Variants in NUDCD1 observed in about 807,000 individuals in gnomAD.
NUDCD1 encodes the protein nudC domain-containing protein 1.
NUDCD1 carries 60 observed loss-of-function variants against 67.8 expected under a neutral mutation model. The ratio of observed to expected loss-of-function variants is 0.88; its 90% CI spans 0.72 to 1.10. The LOEUF (loss-of-function observed/expected upper bound fraction) is 1.10, where lower values mean the gene tolerates loss of function less well. NUDCD1 is among the 50% of genes least tolerant of loss of function. The pLI is 0.00. For synonymous variants in NUDCD1, 244 were observed against 230.8 expected, an observed-to-expected ratio of 1.06 and a Z score of -0.52; for missense variants, 643 against 695.0, an observed-to-expected ratio of 0.93 and a Z score of 0.84.
intron 8 of NUDCD1, among the ~76,000 whole-genome samples, chr8:109,258,470 T>C (rs1813788737): frequency 3.3e-5 from 5 of 152,002 alleles, no homozygotes; most frequent in African/African-American, 7.2e-5. Context: ...TCATCTCATC[T>C]AGTGTGTGAG....
Position 109,248,850 on chromosome 8 carries a change from T to C in NUDCD1, c.1300-3369A>G, listed in dbSNP as rs556010246. ...AACATTTAGCAAAACTGGATCACAATTTGCAAAACTGTCTCCCCTATTTCC... is the reference window on the plus strand; with the variant it reads ...AACATTTAGCAAAACTGGATCACAACTTGCAAAACTGTCTCCCCTATTTCC... On this transcript the variant is annotated intron_variant, in intron 8 of 9. Transcript: ENST00000239690. Among the ~76,000 whole-genome samples the C allele has an allele frequency of 2.6e-5, 4 of 152,220 alleles. No individual in the cohort carries two copies. In the South Asian group the frequency reaches 8.3e-4, roughly 32 times the overall value.
rs569053421 is a variant in NUDCD1 at position 109,309,719 on chromosome 8, T to C, written c.273+12590A>G. On this transcript the variant is annotated intron_variant, in intron 2 of 9. Transcript: ENST00000239690. Reference sequence around the variant, plus strand: ...TTACCTAGAAAACCCTAAAGACTCCTCCAGAAAGCTCCTAGAACTGATAAA... The same window carrying C: ...TTACCTAGAAAACCCTAAAGACTCCCCCAGAAAGCTCCTAGAACTGATAAA... Among the ~76,000 whole-genome samples, 9 of 152,144 alleles carry C rather than the reference T, an allele frequency of 5.9e-5. No individual in the cohort carries two copies. In the South Asian group the frequency reaches 1.9e-3, roughly 32 times the overall value.
At chr8:109,316,489 G>A (rs1018734526) in intron 2 of NUDCD1, 6 of 152,094 alleles carry the variant, frequency 3.9e-5, no homozygotes, top group African/African-American at 1.4e-4. Context: ...GCCTGTCTAG[G>A]ATTTGTGCAC....
chr8:109,298,138 A>G (rs1204302012), intron 2 of NUDCD1, among the ~76,000 whole-genome samples: 1 of 152,184 alleles, frequency 6.6e-6, no homozygotes, highest in Non-Finnish European at 1.5e-5. Flanking sequence ...TGGCAAGCAG[A>G]GCTCACATTA....
At chr8:109,256,701 T>TA (rs1813748516) in intron 8 of NUDCD1, among the ~76,000 whole-genome samples, 2 of 151,996 alleles carry the variant, frequency 1.3e-5, no homozygotes, top group Admixed American at 1.3e-4. Flanking sequence ...AGACATCACA[T>TA]AATGAAATAT....
intron 2 of NUDCD1, chr8:109,298,670 T>A (rs188015177): frequency 1.4e-3 from 207 of 152,222 alleles, no homozygotes; most frequent in African/African-American, 4.8e-3. Context: ...CTAATATGTA[T>A]AACATAAAAA....
chr8:109,289,637 A>T (rs569581286), intron 5 of NUDCD1, 114 bp downstream of exon 5: 2 of 548,120 alleles, frequency 3.6e-6, no homozygotes, highest in East Asian at 6.7e-5. Context: ...AAAATAAAGA[A>T]AAAATTATGC....
chr8:109,272,093 A>C (rs1814171366), intron 7 of NUDCD1, among the ~76,000 whole-genome samples: 1 of 152,124 alleles, frequency 6.6e-6, no homozygotes. Context: ...AATGTCAATC[A>C]ACACAAAGGA....
intron 8 of NUDCD1, among the ~76,000 whole-genome samples, chr8:109,257,675 G>A (rs1389861939): frequency 1.3e-5 from 2 of 151,994 alleles, no homozygotes; most frequent in Admixed American, 6.5e-5. Context: ...TCCCTGTAAC[G>A]CGACAGTAAT....
chr8:109,308,816 A>G (rs1400732287), intron 2 of NUDCD1, among the ~76,000 whole-genome samples: 1 of 151,894 alleles, frequency 6.6e-6, no homozygotes, highest in African/African-American at 2.4e-5. Flanking sequence ...CTAAAAATAT[A>G]AAAAAATTAG....
In NUDCD1 at chr8:109,241,690, T is replaced by C. The variant is rs1287464813; in HGVS notation, c.*1319A>G. ...TAGAACATGTATGCAATCCTCATCT[T>C]TTTTCCTCCTCTCTGTCATTCATTC... is the stretch of plus-strand genomic sequence containing the variant. On this transcript the variant is annotated 3_prime_UTR_variant, in exon 10 of 10. Transcript: ENST00000239690. The C allele has an allele frequency of 8.3e-6, 1 of 120,696 alleles. No homozygotes were observed. The highest frequency in any genetic ancestry group is 4.4e-5 in the African/African-American group (1 of 22,774). 7.5% of individuals were successfully genotyped at this position (120,696 alleles called of 1,614,324 possible). A position where few individuals can be genotyped will look rare whatever the true frequency, so the allele number is the denominator to read the frequency against.
intron 2 of NUDCD1, among the ~76,000 whole-genome samples, chr8:109,319,958 G>A (rs1044525639): frequency 5.3e-5 from 8 of 152,066 alleles, no homozygotes; most frequent in Admixed American, 2.6e-4. Context: ...CCCACTAGCC[G>A]CAAAAACCAG....
chr8:109,317,200 A>G (rs1220134452), intron 2 of NUDCD1, among the ~76,000 whole-genome samples: 2 of 152,212 alleles, frequency 1.3e-5, no homozygotes, highest in Non-Finnish European at 2.9e-5. Flanking sequence ...TGAACAGGTG[A>G]TTAGAGAACT....
chr8:109,308,587 T>C (rs1422543173), intron 2 of NUDCD1, among the ~76,000 whole-genome samples: 2 of 152,022 alleles, frequency 1.3e-5, no homozygotes, highest in African/African-American at 4.8e-5. Flanking sequence ...ATTAGCAAGA[T>C]TAATCAAGAA....
chr8:109,272,211 T>A (rs1193998934), intron 7 of NUDCD1, among the ~76,000 whole-genome samples: 1 of 152,084 alleles, frequency 6.6e-6, no homozygotes, highest in South Asian at 2.1e-4. Flanking sequence ...AATAACAAGG[T>A]ATTATTAATT....
At chr8:109,320,951 G>T (rs879942699) in intron 2 of NUDCD1, among the ~76,000 whole-genome samples, 9 of 152,124 alleles carry the variant, frequency 5.9e-5, no homozygotes, top group Non-Finnish European at 1.0e-4. Context: ...GACATTGCAG[G>T]GGAAATAATG....
intron 3 of NUDCD1, among the ~76,000 whole-genome samples, chr8:109,294,713 C>T (rs780590687): frequency 1.8e-4 from 27 of 151,948 alleles, no homozygotes; most frequent in East Asian, 3.9e-4. Context: ...ACTGTGATAC[C>T]GTTGATACAT....
intron 2 of NUDCD1, among the ~76,000 whole-genome samples, chr8:109,310,964 C>T (rs775911155): frequency 1.6e-4 from 25 of 151,600 alleles, no homozygotes; most frequent in East Asian, 5.9e-4. Flanking sequence ...TACAGGCGCA[C>T]GCCACCACGC....
At chr8:109,321,768 T>C (rs968039524) in intron 2 of NUDCD1, among the ~76,000 whole-genome samples, 11 of 151,728 alleles carry the variant, frequency 7.2e-5, no homozygotes, top group African/African-American at 1.9e-4. Context: ...CACTGATAAA[T>C]AGAAAAAGCA....
Sources: allele counts gnomAD v4.1 joint callset (sites outside exome capture counted in the v4.1 genomes callset), GRCh38; gene constraint gnomAD v4.1.1; transcripts MANE v1.5; gene names NCBI Gene and HGNC (gene_info 2026-07-23, HGNC 2026-07-21).